ZNF138: variants seen among roughly 807,000 people sequenced by gnomAD.
The protein encoded by ZNF138 is zinc finger protein 138 (clone pHZ-32).
Under a neutral mutation model 33.0 loss-of-function variants are expected in ZNF138, and 33 were observed. The observed-to-expected ratio is 1.00, with a 90% CI of 0.76 to 1.34. The LOEUF (loss-of-function observed/expected upper bound fraction) is 1.34, where lower values mean the gene tolerates loss of function less well. Ranked by LOEUF, ZNF138 falls within the 40% of genes most tolerant of loss-of-function variation. ZNF138 has a pLI of 0.00. For synonymous variants in ZNF138, 139 were observed against 120.4 expected (o/e 1.15, Z -1.01); for missense variants, 360 against 370.8 (o/e 0.97, Z 0.24).
intron 1 of ZNF138, among the ~76,000 whole-genome samples, chr7:64,809,235 C>T (rs1477881457): frequency 1.2e-5 from 1 of 80,372 alleles, no homozygotes; most frequent in Non-Finnish European, 2.6e-5. Context: ...ACCTCCCTCC[C>T]GGGTGGGGCG....
chr7:64,799,281 C>T (rs1034815952), intron 1 of ZNF138, among the ~76,000 whole-genome samples: 1 of 152,072 alleles, frequency 6.6e-6, no homozygotes, highest in South Asian at 2.1e-4. Flanking sequence ...TTTCTCCTGC[C>T]GCAGCCTCCT....
chr7:64,838,675 A>C (rs376499692), downstream of ZNF138, among the ~76,000 whole-genome samples: 18 of 152,278 alleles, frequency 1.2e-4, 1 homozygote, highest in Middle Eastern at 0.017. Context: ...ATCCAGGATT[A>C]GCGGATATCA....
At chr7:64,854,242 T>C in the ZNF138 span, among the ~76,000 whole-genome samples, 1 of 152,156 alleles carries the variant, frequency 6.6e-6, no homozygotes, top group Non-Finnish European at 1.5e-5. Context: ...CACATACATA[T>C]GTACTTCTTT....
chr7:64,813,690 TCC>T (rs1788371387), intron 1 of ZNF138, among the ~76,000 whole-genome samples: 4 of 152,160 alleles, frequency 2.6e-5, no homozygotes, highest in Admixed American at 2.6e-4. Context: ...TGCCTCGGCC[TCC>T]CAAAGTGCTG....
intron 3 of ZNF138, chr7:64,830,865 G>A: frequency 7.0e-7 from 1 of 1,435,710 alleles, no homozygotes; most frequent in Admixed American, 3.0e-5. Context: ...ATTTTTTAGG[G>A]TTTTTTTAGT....
Position 64,817,483 on chromosome 7 carries a change from C to T in ZNF138, c.208+1830C>T, listed in dbSNP as rs1788749899. Among the ~76,000 whole-genome samples, 9 of 151,942 alleles carry T rather than the reference C, an allele frequency of 5.9e-5. No homozygotes were observed. In the South Asian group the frequency reaches 1.9e-3, roughly 32 times the overall value. ...CATCTGGGGTTTAGCAGTTTCACAA[C>T]TCCCTCCCTGGATCTCAGAGCTCTC... On this transcript the variant is annotated intron_variant, in intron 3 of 3. Transcript: ENST00000307355.
At chr7:64,842,501 C>T in the ZNF138 span, among the ~76,000 whole-genome samples, 1 of 152,154 alleles carries the variant, frequency 6.6e-6, no homozygotes, top group African/African-American at 2.4e-5. Context: ...TTTTATGTGT[C>T]TTTTTAGTGA....
At chr7:64,852,326 T>C in the ZNF138 span, 3 of 1,056,434 alleles carry the variant, frequency 2.8e-6, no homozygotes, top group African/African-American at 1.6e-5. Context: ...TTATAGTCTT[T>C]AATTGAAGCG....
chr7:64,860,061 C>T, the ZNF138 span, among the ~76,000 whole-genome samples: 13 of 152,118 alleles, frequency 8.5e-5, no homozygotes, highest in Admixed American at 1.3e-4. Context: ...TGCTTGAACT[C>T]GGGAGGCGGA....
chr7:64,849,543 T>C, the ZNF138 span, among the ~76,000 whole-genome samples: 2 of 150,584 alleles, frequency 1.3e-5, no homozygotes, highest in Non-Finnish European at 3.0e-5. Flanking sequence ...CCAGGGTGGG[T>C]AGGGAGGGAA....
rs1201599730 is a variant in ZNF138, at chr7:64,831,477, C to G, written c.235C>G (p.Leu79Val). 3 of 1,575,760 alleles carry G rather than the reference C, an allele frequency of 1.9e-6. No homozygotes were observed. Among genetic ancestry groups the G allele is most frequent in the Non-Finnish European group, 2.6e-6 (3 of 1,165,372 alleles). The change falls in exon 4 of 4, where the codon CTT (leucine) becomes GTT (valine). Residue 79 changes from leucine (L) to valine (V), a missense_variant. Leu to Val is a conservative substitution (Grantham distance 32). Transcript: ENST00000307355. ...SALCSRFAQD[L>V]WLEQNIKDSF... ...TCTGTGTTCTCGTTTTGCCCAAGAC[C>G]TTTGGCTAGAGCAGAACATAAAAGA...
At chr7:64,824,199 T>G (rs763924035) in intron 3 of ZNF138, among the ~76,000 whole-genome samples, 6 of 152,108 alleles carry the variant, frequency 3.9e-5, no homozygotes, top group Non-Finnish European at 5.9e-5. Context: ...CGTGACACCA[T>G]CCTCTTGGTA....
chr7:64,852,931 C>T, the ZNF138 span: 1 of 1,195,688 alleles, frequency 8.4e-7, no homozygotes, highest in South Asian at 1.2e-5. Context: ...CTTGGATAAT[C>T]AGAGGCATCA....
chr7:64,814,459 A>G (rs1788447034), intron 1 of ZNF138, among the ~76,000 whole-genome samples: 1 of 152,158 alleles, frequency 6.6e-6, no homozygotes, highest in Non-Finnish European at 1.5e-5. Flanking sequence ...ACATTAGAAA[A>G]TATTTCTGTT....
intron 1 of ZNF138, among the ~76,000 whole-genome samples, chr7:64,807,086 C>T (rs993799275): frequency 6.6e-6 from 1 of 152,236 alleles, no homozygotes; most frequent in Non-Finnish European, 1.5e-5. Flanking sequence ...GACTTAAGGA[C>T]ATGCTCCTGC....
chr7:64,837,417 A>G (rs559942075), downstream of ZNF138, among the ~76,000 whole-genome samples: 152 of 152,180 alleles, frequency 1.0e-3, 1 homozygote, highest in African/African-American at 3.5e-3. Flanking sequence ...ATGTTCTCTT[A>G]GCAGCTCCCT....
chr7:64,821,246 C>T lies in ZNF138; in HGVS notation c.208+5593C>T, dbSNP rs570919155. Among the ~76,000 whole-genome samples, 41 of 150,730 alleles carry T rather than the reference C, an allele frequency of 2.7e-4. No homozygotes were observed. The South Asian group carries it at 6.9e-3, about 25-fold the overall frequency. On this transcript the variant is annotated intron_variant, in intron 3 of 3. Transcript: ENST00000307355. ...CTGGGACTACAGGCGCTTGCCACCA[C>T]GCCCGGCTAATTTTTTGTATTTTTA...
downstream of ZNF138, chr7:64,835,477 G>C (rs1174856818): frequency 1.3e-5 from 2 of 152,048 alleles, no homozygotes; most frequent in African/African-American, 4.8e-5. Context: ...ATAAGGAAAG[G>C]GAGCATCTGT....
chr7:64,832,510 A>G lies in ZNF138; in HGVS notation c.*308A>G. The G allele has an allele frequency of 3.1e-6, 3 of 961,966 alleles. No individual in the cohort carries two copies. Among genetic ancestry groups the G allele is most frequent in the Non-Finnish European group, 4.4e-6 (3 of 685,462 alleles). The allele number at this position is 961,966 out of a possible 1,614,324, so 59.6% of individuals were successfully genotyped here. On this transcript the variant is annotated 3_prime_UTR_variant, in exon 4 of 4. Transcript: ENST00000307355. The stretch of plus-strand genomic sequence containing the variant: ...GGGGAGAAACCCCACAAATGTGGAG[A>G]ATGCGGAAAAGCCTTTAACTGGTCC...
Sources: gnomAD v4.1 joint callset for allele counts (sites outside exome capture counted in the v4.1 genomes callset) on GRCh38, gnomAD v4.1.1 for gene constraint, MANE v1.5 for transcripts, NCBI Gene and HGNC (gene_info 2026-07-23, HGNC 2026-07-21) for gene names.